The following FBXO4 variants were observed in gnomAD, a reference collection of about 807,000 sequenced individuals.
The protein encoded by FBXO4 is F-box only protein 4.
Under a neutral mutation model 43.7 loss-of-function variants are expected in FBXO4, and 36 were observed. The ratio of observed to expected loss-of-function variants is 0.82; its 90% CI spans 0.63 to 1.09. The LOEUF (loss-of-function observed/expected upper bound fraction) is 1.09, where lower values mean the gene tolerates loss of function less well. Ranked by LOEUF, FBXO4 falls within the 50% of genes least tolerant of loss-of-function variation. The pLI is 0.00. For missense variants in FBXO4, 435 were observed against 474.1 expected, an observed-to-expected ratio of 0.92 and a Z score of 0.77; for synonymous variants, 180 against 165.6, an observed-to-expected ratio of 1.09 and a Z score of -0.67.
the FBXO4 span, chr5:41,967,818 A>G: frequency 6.6e-6 from 4 of 606,654 alleles, no homozygotes; most frequent in Non-Finnish European, 1.3e-5. Context: ...CATCTACATT[A>G]CCATCATTAT....
At chr5:41,967,707 A>G in the FBXO4 span, 3 of 629,254 alleles carry the variant, frequency 4.8e-6, no homozygotes, top group Non-Finnish European at 9.2e-6. Context: ...TTCACCCTAC[A>G]TTAATTACAT....
the FBXO4 span, among the ~76,000 whole-genome samples, chr5:41,994,405 T>A: frequency 6.6e-6 from 1 of 152,206 alleles, no homozygotes; most frequent in Non-Finnish European, 1.5e-5. Context: ...GGTGGTAGCT[T>A]GTATTGATGA....
Position 41,929,819 on chromosome 5 carries a change from G to A in FBXO4, c.548G>A (p.Gly183Glu). The change falls in exon 3 of 7, where the codon GGA (glycine) becomes GAA (glutamate). Residue 183 changes from glycine (G) to glutamate (E), a missense_variant. Physicochemically the swap from Gly to Glu is moderately conservative, Grantham distance 98. Coordinates refer to ENST00000281623, the MANE Select transcript of FBXO4 (RefSeq NM_012176.3). ...IQNEPRFAMF[G>E]PGLEELNTSL... Reference sequence around the variant, plus strand: ...AATGAACCACGATTTGCTATGTTTGGACCAGGTTTGGAAGAATTGAATACC... The same window carrying A: ...AATGAACCACGATTTGCTATGTTTGAACCAGGTTTGGAAGAATTGAATACC... 1 of 1,614,100 alleles carries A rather than the reference G, an allele frequency of 6.2e-7. No individual in the cohort carries two copies. The highest frequency in any genetic ancestry group is 1.1e-5 in the South Asian group (1 of 91,076).
At chr5:41,964,859 T>A in the FBXO4 span, among the ~76,000 whole-genome samples, 1 of 152,174 alleles carries the variant, frequency 6.6e-6, no homozygotes, top group Non-Finnish European at 1.5e-5. Flanking sequence ...TGGTAGTTTC[T>A]TTTGCTGTGC....
chr5:42,010,666 T>C, the FBXO4 span, among the ~76,000 whole-genome samples: 1 of 152,184 alleles, frequency 6.6e-6, no homozygotes, highest in East Asian at 1.9e-4. Flanking sequence ...AAGGGGGTTA[T>C]GAAATATTTG....
the FBXO4 span, among the ~76,000 whole-genome samples, chr5:41,969,108 G>C: frequency 0.078 from 11,805 of 152,160 alleles, 651 homozygotes; most frequent in African/African-American, 0.15. Context: ...CTCTACAGTT[G>C]TCACACATTT....
At chr5:41,967,687 T>C in the FBXO4 span, 1 of 645,640 alleles carries the variant, frequency 1.5e-6, no homozygotes, top group South Asian at 1.5e-5. Context: ...GGAATACTGG[T>C]CCAGATACAT....
the FBXO4 span, among the ~76,000 whole-genome samples, chr5:41,966,821 T>C: frequency 6.6e-6 from 1 of 152,208 alleles, no homozygotes; most frequent in Non-Finnish European, 1.5e-5. Flanking sequence ...AGTGCAATCC[T>C]AGAAAAGGCA....
downstream of FBXO4, among the ~76,000 whole-genome samples, chr5:41,944,078 G>A (rs935326558): frequency 1.3e-5 from 2 of 152,064 alleles, no homozygotes; most frequent in African/African-American, 4.8e-5. Context: ...TAAGACACTC[G>A]GTCTATGGTG....
At chr5:41,952,923 TC>T in the FBXO4 span, among the ~76,000 whole-genome samples, 3 of 152,196 alleles carry the variant, frequency 2.0e-5, no homozygotes, top group South Asian at 4.1e-4. Context: ...CATTAATCAT[TC>T]TTTCAACTCT....
chr5:42,010,295 C>G, the FBXO4 span, among the ~76,000 whole-genome samples: 1 of 151,954 alleles, frequency 6.6e-6, no homozygotes, highest in African/African-American at 2.4e-5. Flanking sequence ...GTCAGGAGTA[C>G]AAGACCAGCC....
At chr5:41,932,030 AG>A (rs1356314437) in intron 3 of FBXO4, among the ~76,000 whole-genome samples, 1 of 152,190 alleles carries the variant, frequency 6.6e-6, no homozygotes, top group Non-Finnish European at 1.5e-5. Context: ...CTGCAGGAGA[AG>A]CCTCACCTAG....
chr5:41,949,194 G>A, the FBXO4 span, among the ~76,000 whole-genome samples: 1 of 152,134 alleles, frequency 6.6e-6, no homozygotes, highest in African/African-American at 2.4e-5. Context: ...ATTCAACATA[G>A]TAATGGAAGT....
chr5:41,999,508 TATATATATATATATACATATATATATAC>T, the FBXO4 span, among the ~76,000 whole-genome samples: 1 of 57,030 alleles, frequency 1.8e-5, no homozygotes, highest in African/African-American at 1.5e-4. Flanking sequence ...TATATATGTG[TATATATATATATATACATATATATATAC>T]ATATATATGT....
chr5:42,020,929 A>G, the FBXO4 span, among the ~76,000 whole-genome samples: 1 of 152,172 alleles, frequency 6.6e-6, no homozygotes, highest in Non-Finnish European at 1.5e-5. Flanking sequence ...ACACTAGGAA[A>G]TTAGCATTCC....
At chr5:41,946,833 C>T in the FBXO4 span, among the ~76,000 whole-genome samples, 1 of 152,150 alleles carries the variant, frequency 6.6e-6, no homozygotes, top group Non-Finnish European at 1.5e-5. Context: ...GTCTCTTCTG[C>T]TTTCTTCATT....
At chr5:42,040,001 G>T in the FBXO4 span, among the ~76,000 whole-genome samples, 1 of 152,096 alleles carries the variant, frequency 6.6e-6, no homozygotes, top group Non-Finnish European at 1.5e-5. Flanking sequence ...CTGAGCCTCA[G>T]ATGAAACCAG....
chr5:42,002,182 G>A, the FBXO4 span, among the ~76,000 whole-genome samples: 1 of 152,046 alleles, frequency 6.6e-6, no homozygotes, highest in Non-Finnish European at 1.5e-5. Flanking sequence ...CCAAAGTACT[G>A]GTTAAAAACA....
intron 5 of FBXO4, among the ~76,000 whole-genome samples, chr5:41,937,549 A>G (rs1751880117): frequency 6.6e-6 from 1 of 152,238 alleles, no homozygotes; most frequent in Admixed American, 6.5e-5. Context: ...TAGATTATGG[A>G]GACATCTGAA....
Sources: allele counts gnomAD v4.1 joint callset (sites outside exome capture counted in the v4.1 genomes callset), GRCh38; gene constraint gnomAD v4.1.1; transcripts MANE v1.5; gene names NCBI Gene and HGNC (gene_info 2026-07-23, HGNC 2026-07-21).